Variants in SNTB1 observed in about 807,000 individuals in gnomAD.
SNTB1 encodes beta-1-syntrophin.
A neutral mutation model predicts 48.9 loss-of-function variants in SNTB1; 36 were observed. The ratio of observed to expected loss-of-function variants is 0.74; its 90% CI spans 0.56 to 0.97. The LOEUF (loss-of-function observed/expected upper bound fraction) is 0.97. Among genes scored for constraint, SNTB1 ranks in the 50% least tolerant of loss-of-function variants. The pLI, the probability that SNTB1 is intolerant of heterozygous loss-of-function variation, is 0.00. For missense variants in SNTB1, 786 were observed against 703.4 expected (o/e 1.12, Z -1.33); for synonymous variants, 299 against 294.6 (o/e 1.01, Z -0.15).
At chr8:120,799,265 C>G (rs565085836) in intron 1 of SNTB1, among the ~76,000 whole-genome samples, 1 of 152,084 alleles carries the variant, frequency 6.6e-6, no homozygotes, top group South Asian at 2.1e-4. Flanking sequence ...GATTCTGTCT[C>G]TTGGGGTACA....
intron 1 of SNTB1, among the ~76,000 whole-genome samples, chr8:120,778,769 G>A (rs1819781642): frequency 6.6e-6 from 1 of 152,134 alleles, no homozygotes; most frequent in Admixed American, 6.5e-5. Flanking sequence ...TACAACTGTA[G>A]CATGAATAAA....
At chr8:120,684,459 TGTAA>T (rs1421545944) in intron 2 of SNTB1, among the ~76,000 whole-genome samples, 1 of 152,126 alleles carries the variant, frequency 6.6e-6, no homozygotes, top group African/African-American at 2.4e-5. Context: ...CTAAATCACA[TGTAA>T]GTGAGACTCA....
chr8:120,779,052 T>C (rs1187756639), intron 1 of SNTB1, among the ~76,000 whole-genome samples: 1 of 152,156 alleles, frequency 6.6e-6, no homozygotes, highest in Non-Finnish European at 1.5e-5. Context: ...CTGGATATAT[T>C]ATATTGAGTA....
intron 3 of SNTB1, among the ~76,000 whole-genome samples, chr8:120,611,087 A>G (rs1373671784): frequency 6.6e-6 from 1 of 152,206 alleles, no homozygotes; most frequent in Non-Finnish European, 1.5e-5. Context: ...CTTGCTGGCC[A>G]AATAAGAGCC....
intron 1 of SNTB1, among the ~76,000 whole-genome samples, chr8:120,704,100 T>G (rs1818346125): frequency 6.6e-6 from 1 of 152,192 alleles, no homozygotes; most frequent in South Asian, 2.1e-4. Flanking sequence ...CATATGCAAA[T>G]GTTCATGTCT....
intron 1 of SNTB1, among the ~76,000 whole-genome samples, chr8:120,733,981 C>T (rs962580446): frequency 2.0e-5 from 3 of 152,076 alleles, no homozygotes; most frequent in African/African-American, 4.8e-5. Context: ...TAATATCAGC[C>T]TTAAGGCTTA....
chr8:120,632,091 C>A (rs1470218575), intron 3 of SNTB1, among the ~76,000 whole-genome samples: 1 of 152,322 alleles, frequency 6.6e-6, no homozygotes, highest in East Asian at 1.9e-4. Context: ...ATAATTTTGA[C>A]TTCCTTGCCT....
At chr8:120,559,039 T>C (rs1299641265) in intron 4 of SNTB1, among the ~76,000 whole-genome samples, 1 of 152,182 alleles carries the variant, frequency 6.6e-6, no homozygotes, top group African/African-American at 2.4e-5. Flanking sequence ...GACTACTACA[T>C]GACTCCTCTC....
At chr8:120,779,702 G>C (rs1216275739) in intron 1 of SNTB1, among the ~76,000 whole-genome samples, 1 of 152,156 alleles carries the variant, frequency 6.6e-6, no homozygotes, top group African/African-American at 2.4e-5. Flanking sequence ...GATAGGCAGG[G>C]ACAGAGCCGG....
At chr8:120,752,615 C>T (rs1819239837) in intron 1 of SNTB1, among the ~76,000 whole-genome samples, 1 of 152,098 alleles carries the variant, frequency 6.6e-6, no homozygotes, top group African/African-American at 2.4e-5. Flanking sequence ...CAGAATACTA[C>T]ACAGCCATAA....
chr8:120,611,355 GA>G (rs35679295), intron 3 of SNTB1, among the ~76,000 whole-genome samples: 2 of 151,968 alleles, frequency 1.3e-5, no homozygotes, highest in East Asian at 3.9e-4. Flanking sequence ...AGAAGCTCTG[GA>G]AAAAAAATCG....
At chr8:120,804,486 G>T (rs1820292662) in intron 1 of SNTB1, among the ~76,000 whole-genome samples, 1 of 152,070 alleles carries the variant, frequency 6.6e-6, no homozygotes, top group Non-Finnish European at 1.5e-5. Flanking sequence ...CACCCACAGT[G>T]TCTTCAGTTT....
intron 1 of SNTB1, among the ~76,000 whole-genome samples, chr8:120,746,734 C>T (rs776206950): frequency 1.6e-4 from 24 of 152,124 alleles, no homozygotes; most frequent in Admixed American, 1.5e-3. Context: ...GATTTCTTTC[C>T]GTTATTCAGT....
chr8:120,652,776 G>A (rs1817429381), intron 2 of SNTB1, among the ~76,000 whole-genome samples: 1 of 152,120 alleles, frequency 6.6e-6, no homozygotes, highest in Admixed American at 6.5e-5. Context: ...GTGACCTGAT[G>A]TTAGTAGTTG....
rs58873007 is a variant in SNTB1 at position 120,654,039 on chromosome 8, CAAAAAAAAAAAAAAAAAA to C, written c.789-21406_789-21389del. On this transcript the variant is annotated intron_variant, in intron 2 of 6. Coordinates refer to ENST00000517992, the MANE Select transcript of SNTB1 (RefSeq NM_021021.4). ...TGGGAGACAGAGCGAGACTCTGCCT[CAAAAAAAAAAAAAAAAAA>C]AAAAAAAAAAAAAAGTTGTCTTCTT... Among the ~76,000 whole-genome samples, 9 of 25,160 alleles carry C rather than the reference CAAAAAAAAAAAAAAAAAA, an allele frequency of 3.6e-4. 1 individual carries two copies. The highest frequency in any genetic ancestry group is 5.4e-4 in the Non-Finnish European group (8 of 14,868). The allele number at this position is 25,160 out of a possible 152,430, so 16.5% of individuals were successfully genotyped here. A position where few individuals can be genotyped will look rare whatever the true frequency, so the allele number is the denominator to read the frequency against.
At chr8:120,720,067 TG>T (rs1818633084) in intron 1 of SNTB1, among the ~76,000 whole-genome samples, 1 of 152,240 alleles carries the variant, frequency 6.6e-6, no homozygotes, top group African/African-American at 2.4e-5. Flanking sequence ...TGATCGGTGA[TG>T]CAGTAAATAC....
At chr8:120,542,212 TG>T (rs764029849) in intron 5 of SNTB1, 2 of 498,238 alleles carry the variant, frequency 4.0e-6, no homozygotes, top group Non-Finnish European at 7.1e-6. Context: ...GGAAAAATAA[TG>T]GAAAGAAATT....
In SNTB1 at chr8:120,673,586, C is replaced by A. The variant is rs13270997; in HGVS notation, c.788+20106G>T. On this transcript the variant is annotated intron_variant, in intron 2 of 6. Transcript: ENST00000517992. ...GATTACAGGCGTAAGCTGCTGCACC[C>A]AGCTGATTTCCTGTGCTTTTAAGCC... is the stretch of plus-strand genomic sequence containing the variant. Among the ~76,000 whole-genome samples the A allele has an allele frequency of 7.7e-3, 1,165 of 152,192 alleles. 12 individuals are homozygous for A. The highest frequency in any genetic ancestry group is 9.4e-3 in the Non-Finnish European group (641 of 67,990).
chr8:120,679,249 C>A (rs527940626), intron 2 of SNTB1, among the ~76,000 whole-genome samples: 3 of 152,320 alleles, frequency 2.0e-5, no homozygotes, highest in Admixed American at 2.0e-4. Flanking sequence ...TTTCTATATA[C>A]CATTCTAAAA....
Sources: allele counts gnomAD v4.1 joint callset (sites outside exome capture counted in the v4.1 genomes callset), GRCh38; gene constraint gnomAD v4.1.1; transcripts MANE v1.5; gene names NCBI Gene and HGNC (gene_info 2026-07-23, HGNC 2026-07-21).